The following DDX11 variants were observed in gnomAD, a reference collection of about 807,000 sequenced individuals.
DDX11 encodes the protein DEAD/H-box helicase 11.
In DDX11, 72 loss-of-function variants were observed where a neutral mutation model predicts 125.2. That is an observed-to-expected ratio of 0.58 (90% confidence interval 0.48 to 0.70). The LOEUF is 0.70. Among genes scored for constraint, DDX11 ranks in the 30% least tolerant of loss-of-function variants. The pLI is 0.00. For missense variants in DDX11, 883 were observed against 1,165.0 expected, an observed-to-expected ratio of 0.76 and a Z score of 3.52; for synonymous variants, 347 against 452.6, an observed-to-expected ratio of 0.77 and a Z score of 2.96.
intron 2 of DDX11, among the ~76,000 whole-genome samples, chr12:31,079,979 AGT>A (rs1454479391): frequency 2.0e-5 from 3 of 147,338 alleles, no homozygotes; most frequent in Non-Finnish European, 4.5e-5. Context: ...TTTCAGCATG[AGT>A]GTTAATGGGG....
chr12:31,102,072 CTT>C (rs1219341593), intron 21 of DDX11, 90 bp downstream of exon 21: 1 of 1,527,528 alleles, frequency 6.5e-7, no homozygotes, highest in African/African-American at 1.4e-5. Context: ...TCAGGACAGG[CTT>C]CTGGCTCCTC....
Position 31,085,045 on chromosome 12 carries a change from G to A in DDX11, c.557G>A (p.Arg186Gln), listed in dbSNP as rs368476321. The change falls in exon 5 of 27, where the codon CGG (arginine) becomes CAG (glutamine). Residue 186 changes from arginine (R) to glutamine (Q), a missense_variant. By Grantham distance (43) the Arg-to-Gln change is conservative (BLOSUM62 1). Around this residue, in one of 5 missense-constraint regions of DDX11, gnomAD observed 283 missense variants for 359.6 expected, o/e 0.79. Coordinates refer to ENST00000542838, the MANE Select transcript of DDX11 (RefSeq NM_030653.4). ...EMLETGPEAE[R>Q]LEQLESGEEE... ...CTAGAGACAGGCCCGGAGGCTGAGCGGCTGGAGCAGCTGGAGTCTGGGGAG... is the reference window on the plus strand; with the variant it reads ...CTAGAGACAGGCCCGGAGGCTGAGCAGCTGGAGCAGCTGGAGTCTGGGGAG... 35 of 1,609,708 alleles carry A rather than the reference G, an allele frequency of 2.2e-5. No individual in the cohort carries two copies. The highest frequency in any genetic ancestry group is 6.7e-5 in the African/African-American group (5 of 74,830).
At chr12:31,092,937 C>A in intron 11 of DDX11, 45 bp downstream of exon 11, 1 of 1,611,242 alleles carries the variant, frequency 6.2e-7, no homozygotes, top group Non-Finnish European at 8.5e-7. Context: ...CCTTGGTGGC[C>A]CCCTGCGTGG....
chr12:31,075,090 C>T (rs2140361671), intron 1 of DDX11, among the ~76,000 whole-genome samples: 1 of 152,334 alleles, frequency 6.6e-6, no homozygotes, highest in African/African-American at 2.4e-5. Context: ...GTGAGCTTTG[C>T]TGTCCTGGTG....
At chr12:31,099,010 C>T (rs1945839329) in intron 18 of DDX11, among the ~76,000 whole-genome samples, 2 of 151,190 alleles carry the variant, frequency 1.3e-5, no homozygotes, top group African/African-American at 4.9e-5. Context: ...TTGTCGTGCT[C>T]CTGGGGCGTT....
At chr12:31,092,274 G>A (rs1020777169) in intron 10 of DDX11, among the ~76,000 whole-genome samples, 8 of 152,008 alleles carry the variant, frequency 5.3e-5, no homozygotes, top group African/African-American at 1.9e-4. Flanking sequence ...CCTATCATGC[G>A]CCATGCATGG....
chr12:31,099,609 G>A (rs1273369105), intron 18 of DDX11, among the ~76,000 whole-genome samples: 1 of 150,610 alleles, frequency 6.6e-6, no homozygotes, highest in African/African-American at 2.5e-5. Flanking sequence ...AAGGATGCCT[G>A]GTCACTAGGC....
At position 31,092,859 on chromosome 12, in the gene DDX11, A is replaced by G. The variant is rs761827676; in HGVS notation, c.1256A>G (p.His419Arg). The G allele has an allele frequency of 3.7e-6, 6 of 1,613,944 alleles. No individual in the cohort carries two copies. Among genetic ancestry groups the G allele is most frequent in the Non-Finnish European group, 4.2e-6 (5 of 1,179,876 alleles). The change falls in exon 11 of 27, where the codon CAT (histidine) becomes CGT (arginine). Residue 419 changes from histidine to arginine, a missense_variant. Physicochemically the swap from His to Arg is conservative, Grantham distance 29. Coordinates refer to ENST00000542838, the MANE Select transcript of DDX11 (RefSeq NM_030653.4). ...TTCTTTCCCCAGCTCTGCCAGGCCC[A>G]TTCCCAGCTGCTGCAGTACGTGGAG... ...EVSGSQLCQA[H>R]SQLLQYVERY...
Position 31,103,601 on chromosome 12 carries a change from A to G in DDX11, c.2561A>G (p.Asp854Gly), listed in dbSNP as rs112692455. The G allele has an allele frequency of 6.2e-7, 1 of 1,613,674 alleles. No homozygotes were observed. Among genetic ancestry groups the G allele is most frequent in the Non-Finnish European group, 8.5e-7 (1 of 1,179,826 alleles). Residue 854 changes from aspartate (D) to glycine (G), a missense_variant, in exon 26 of 27, where the codon GAT becomes GGT. Asp to Gly is a moderately conservative substitution (Grantham distance 94, BLOSUM62 -1). Coordinates refer to ENST00000542838, the MANE Select transcript of DDX11 (RefSeq NM_030653.4). ...SIGRAIRHQKDFASVVLLDQR... is the reference protein window; with the variant it reads ...SIGRAIRHQKGFASVVLLDQR... ...GGCAGGGCCATCAGGCACCAGAAGGATTTTGCCAGCGTAGTGCTCCTGGAC... is the reference window on the plus strand; with the variant it reads ...GGCAGGGCCATCAGGCACCAGAAGGGTTTTGCCAGCGTAGTGCTCCTGGAC...
At position 31,102,860 on chromosome 12, in the gene DDX11, G is replaced by A. The variant is rs1362979566; in HGVS notation, c.2373-76G>A. On this transcript the variant is annotated intron_variant, in intron 23 of 26. Coordinates refer to ENST00000542838, the MANE Select transcript of DDX11 (RefSeq NM_030653.4). ...GAGAGGCTGAGGGAAGGGGTAGAAC[G>A]GAGCAGCTGGTGACGTGGGTGATGA... The A allele has an allele frequency of 1.7e-5, 22 of 1,327,932 alleles. No homozygotes were observed. The East Asian group carries it at 2.1e-4, about 13-fold the overall frequency. 82.3% of individuals were successfully genotyped at this position (1,327,932 alleles called of 1,614,324 possible). A position where few individuals can be genotyped will look rare whatever the true frequency, so the allele number is the denominator to read the frequency against.
chr12:31,092,562 T>C (rs1944421674), intron 10 of DDX11, among the ~76,000 whole-genome samples: 1 of 104,344 alleles, frequency 9.6e-6, no homozygotes, highest in Non-Finnish European at 1.8e-5. Flanking sequence ...CCCAACCCGG[T>C]GGAAACTTAG....
At chr12:31,079,782 A>G (rs1320951473) in intron 2 of DDX11, among the ~76,000 whole-genome samples, 3 of 152,168 alleles carry the variant, frequency 2.0e-5, no homozygotes, top group African/African-American at 7.2e-5. Flanking sequence ...ACTGGTGCAC[A>G]CCACCATACA....
At chr12:31,097,471 G>A (rs1182957459) in intron 17 of DDX11, among the ~76,000 whole-genome samples, 1 of 149,954 alleles carries the variant, frequency 6.7e-6, no homozygotes, top group African/African-American at 2.5e-5. Flanking sequence ...GTGAGTTCAG[G>A]AGATCGAGAC....
intron 4 of DDX11, 42 bp downstream of exon 4, chr12:31,084,711 G>C: frequency 6.4e-7 from 1 of 1,553,218 alleles, no homozygotes. Flanking sequence ...GTCCAGGCAG[G>C]GTTGCTCTGC....
intron 20 of DDX11, 143 bp downstream of exon 20, chr12:31,101,273 G>A (rs1301257310): frequency 2.2e-5 from 16 of 731,102 alleles, no homozygotes; most frequent in Non-Finnish European, 3.9e-5. Flanking sequence ...CACACAGAAT[G>A]AGCGGCGTCG....
Position 31,100,936 on chromosome 12 carries a change from G to A in DDX11, c.1949-91G>A, listed in dbSNP as rs568273835. 2.3e-6 allele frequency: 3 copies of A among 1,280,130 alleles called. No individual in the cohort carries two copies. The South Asian group carries it at 3.6e-5, about 15-fold the overall frequency. 79.3% of individuals were successfully genotyped at this position (1,280,130 alleles called of 1,614,324 possible). ...GAGCGCTGTCAGTCGCTGTTCCTGT[G>A]CTGGATGATGGGGCAGGGAAATGCC... On this transcript the variant is annotated intron_variant, in intron 19 of 26. Transcript: ENST00000542838.
intron 10 of DDX11, among the ~76,000 whole-genome samples, chr12:31,092,491 A>G (rs1227695002): frequency 2.0e-5 from 3 of 152,112 alleles, no homozygotes; most frequent in African/African-American, 7.2e-5. Context: ...CCTGGGCTGA[A>G]TTGAGGCTGG....
rs368090925 is a variant in DDX11 at position 31,101,023 on chromosome 12, C to T, written c.1949-4C>T. 2.5e-6 allele frequency: 4 copies of T among 1,613,072 alleles called. No individual in the cohort carries two copies. The highest frequency in any genetic ancestry group is 3.4e-6 in the Non-Finnish European group (4 of 1,179,020). On this transcript the variant is annotated splice_region_variant and splice_polypyrimidine_tract_variant and intron_variant, in intron 19 of 26. Transcript: ENST00000542838. ...GTTTTCGGCCCCTCCCTGGCTCTTA[C>T]CAGGTCACGTGATCCCTCCAGACAA...
At chr12:31,089,782 C>G (rs2140721717) in intron 8 of DDX11, 104 bp from the exon 9 acceptor site, 1 of 1,546,170 alleles carries the variant, frequency 6.5e-7, no homozygotes, top group Admixed American at 2.0e-5. Context: ...TCTTATAGAC[C>G]CTACCCCATG....
Sources: allele counts gnomAD v4.1 joint callset (sites outside exome capture counted in the v4.1 genomes callset), GRCh38; gene constraint gnomAD v4.1.1; regional missense constraint gnomAD v4.1.1; transcripts MANE v1.5; gene names NCBI Gene and HGNC (gene_info 2026-07-23, HGNC 2026-07-21).